The following FRMPD4 variants were observed in gnomAD, a reference collection of about 807,000 sequenced individuals.
The protein encoded by FRMPD4 is FERM and PDZ domain containing 4.
A neutral mutation model predicts 94.1 loss-of-function variants in FRMPD4; 22 were observed. That is an observed-to-expected ratio of 0.23 (90% CI 0.17 to 0.33). The LOEUF is 0.33. Ranked by LOEUF, FRMPD4 falls within the 10% of genes least tolerant of loss-of-function variation. The pLI is 1.00. For missense variants in FRMPD4, 1,111 were observed against 1,339.9 expected (o/e 0.83, Z 2.67); for synonymous variants, 631 against 548.6 (o/e 1.15, Z -2.10).
chrX:12,650,980 A>C (rs1430995808), intron 4 of FRMPD4, among the ~76,000 whole-genome samples: 1 of 113,039 alleles, frequency 8.8e-6, no homozygotes, highest in African/African-American at 3.2e-5. Context: ...CCCTTAGAGC[A>C]TGCAGTATCA....
intron 1 of FRMPD4, among the ~76,000 whole-genome samples, chrX:11,841,391 C>T (rs1212945494): frequency 9.1e-6 from 1 of 109,638 alleles, no homozygotes; most frequent in Non-Finnish European, 1.9e-5. Context: ...TGTTTCTCCA[C>T]ATCCTCTCCA....
chrX:12,440,955 T>C (rs990913501), intron 1 of FRMPD4, among the ~76,000 whole-genome samples: 1 of 112,251 alleles, frequency 8.9e-6, no homozygotes, highest in Non-Finnish European at 1.9e-5. Context: ...AATTGCCAAA[T>C]GGTAAATGTC....
At chrX:12,506,010 C>T (rs1241245357) in intron 2 of FRMPD4, among the ~76,000 whole-genome samples, 1 of 111,927 alleles carries the variant, frequency 8.9e-6, no homozygotes, top group African/African-American at 3.2e-5. Context: ...ATATTTGCTG[C>T]ACGGAGCATG....
chrX:12,062,564 A>G (rs1342249282), intron 3 of FRMPD4, among the ~76,000 whole-genome samples: 1 of 111,404 alleles, frequency 9.0e-6, no homozygotes, highest in Admixed American at 9.6e-5. Flanking sequence ...ATCTCGGCTC[A>G]CTGCAACCTC....
At chrX:12,716,001 T>TGGGGGC in intron 14 of FRMPD4, 68 bp from the exon 15 acceptor site, 3 of 231,637 alleles carry the variant, frequency 1.3e-5, no homozygotes, top group East Asian at 1.7e-4. Context: ...GAGACGAGCC[T>TGGGGGC]CCCACCCCCG....
intron 7 of FRMPD4, among the ~76,000 whole-genome samples, chrX:12,689,458 C>G (rs1006199970): frequency 1.8e-5 from 2 of 111,932 alleles, no homozygotes; most frequent in Admixed American, 1.9e-4. Flanking sequence ...TATTATTATC[C>G]CCAGTTTACA....
At chrX:12,525,661 G>T (rs1483781011) in intron 2 of FRMPD4, among the ~76,000 whole-genome samples, 9 of 112,222 alleles carry the variant, frequency 8.0e-5, no homozygotes, top group Non-Finnish European at 1.5e-4. Context: ...TTTTTCTTAA[G>T]TAGATACCTG....
At chrX:12,542,153 G>A (rs1178989180) in intron 2 of FRMPD4, among the ~76,000 whole-genome samples, 2 of 112,071 alleles carry the variant, frequency 1.8e-5, no homozygotes, top group African/African-American at 6.5e-5. Flanking sequence ...GCAAAAACTG[G>A]AAGCATTCCC....
chrX:12,250,166 C>T (rs1252771124), intron 1 of FRMPD4, among the ~76,000 whole-genome samples: 3 of 107,154 alleles, frequency 2.8e-5, no homozygotes, highest in African/African-American at 1.0e-4. Context: ...TTTTGGTGTG[C>T]TGAAGGTTCT....
rs369456152 is a variant in FRMPD4, at chrX:12,373,624, A to G, written c.42-125056A>G. On this transcript the variant is annotated intron_variant, in intron 1 of 16. Coordinates refer to ENST00000675598, the MANE Select transcript of FRMPD4 (RefSeq NM_001368397.1). ...CCAGCATCAATCTGACAATAGAATA[A>G]TATTATCTCCCAACTAAACAAAGAA... Among the ~76,000 whole-genome samples the G allele has an allele frequency of 1.9e-3, 213 of 112,201 alleles. 1 individual carries two copies. The highest frequency in any genetic ancestry group is 6.8e-3 in the African/African-American group (209 of 30,929).
At chrX:11,990,599 G>A (rs1646554375) in intron 3 of FRMPD4, among the ~76,000 whole-genome samples, 1 of 111,828 alleles carries the variant, frequency 8.9e-6, no homozygotes. Context: ...TCCTTTCTAT[G>A]ATACTTTTTT....
Position 12,191,486 on chromosome X carries a change from A to T in FRMPD4, c.41+52474A>T, listed in dbSNP as rs140837583. On this transcript the variant is annotated intron_variant, in intron 1 of 16. Coordinates refer to ENST00000675598, the MANE Select transcript of FRMPD4 (RefSeq NM_001368397.1). ...ATTATTTATAATTGCCAAAACTTGG[A>T]AGCAACCAAGTTGTTCTTCATTAGA... Among the ~76,000 whole-genome samples, 49 of 112,410 alleles carry T rather than the reference A, an allele frequency of 4.4e-4. No individual in the cohort carries two copies. In the East Asian group the frequency reaches 0.013, roughly 30 times the overall value.
chrX:11,857,897 A>G (rs1463730370), intron 1 of FRMPD4, among the ~76,000 whole-genome samples: 2 of 112,675 alleles, frequency 1.8e-5, no homozygotes, highest in Middle Eastern at 4.2e-3. Flanking sequence ...GGCAAAGTAC[A>G]TGAACATATC....
chrX:12,043,049 C>T (rs2054765344), intron 3 of FRMPD4, among the ~76,000 whole-genome samples: 1 of 111,538 alleles, frequency 9.0e-6, no homozygotes, highest in East Asian at 2.8e-4. Flanking sequence ...TAGTTCTTGC[C>T]TGAAGTTCTG....
chrX:12,712,286 C>T (rs959354128), intron 14 of FRMPD4, among the ~76,000 whole-genome samples: 10 of 110,672 alleles, frequency 9.0e-5, no homozygotes, highest in Admixed American at 4.8e-4. Flanking sequence ...CAGTGGTTCA[C>T]GCCTATAATC....
At chrX:12,155,185 C>G (rs946332458) in intron 1 of FRMPD4, among the ~76,000 whole-genome samples, 1 of 111,948 alleles carries the variant, frequency 8.9e-6, no homozygotes, top group African/African-American at 3.3e-5. Flanking sequence ...AGAAAGTAAT[C>G]AACCTGCTGT....
At chrX:12,168,811 G>T (rs780999443) in intron 1 of FRMPD4, among the ~76,000 whole-genome samples, 1 of 110,070 alleles carries the variant, frequency 9.1e-6, no homozygotes, top group South Asian at 4.0e-4. Context: ...ATTTTTAGTA[G>T]AGACGGGGTT....
intron 3 of FRMPD4, among the ~76,000 whole-genome samples, chrX:11,897,189 C>A (rs1284339644): frequency 1.9e-5 from 2 of 105,783 alleles, no homozygotes; most frequent in Non-Finnish European, 3.9e-5. Context: ...GCATGCTGAG[C>A]AAAACAAGCC....
intron 3 of FRMPD4, among the ~76,000 whole-genome samples, chrX:12,042,734 T>C (rs1363945904): frequency 1.8e-5 from 2 of 112,084 alleles, no homozygotes; most frequent in Non-Finnish European, 1.9e-5. Context: ...CTTGTACTTC[T>C]AAGGTGATAT....
Sources: gnomAD v4.1 joint callset for allele counts (sites outside exome capture counted in the v4.1 genomes callset) on GRCh38, gnomAD v4.1.1 for gene constraint, MANE v1.5 for transcripts, NCBI Gene and HGNC (gene_info 2026-07-23, HGNC 2026-07-21) for gene names.